MYO1D: variants seen among roughly 807,000 people sequenced by gnomAD.
The protein encoded by MYO1D is myosin ID.
In MYO1D, 83 loss-of-function variants were observed where a neutral mutation model predicts 122.0. The ratio of observed to expected loss-of-function variants is 0.68; its 90% CI spans 0.57 to 0.82. The LOEUF (loss-of-function observed/expected upper bound fraction) is 0.82. MYO1D is among the 40% of genes least tolerant of loss of function. The pLI is 0.00. For missense variants in MYO1D, 1,157 were observed against 1,269.5 expected (o/e 0.91, Z 1.35); for synonymous variants, 464 against 446.9 (o/e 1.04, Z -0.48).
chr17:32,560,585 T>TATA (rs2087115530), intron 21 of MYO1D, among the ~76,000 whole-genome samples: 1 of 108,530 alleles, frequency 9.2e-6, no homozygotes, highest in Non-Finnish European at 2.0e-5. Context: ...ATAACTTTTA[T>TATA]ACCTAAAGTT....
chr17:32,606,708 A>C (rs748350304), intron 20 of MYO1D, among the ~76,000 whole-genome samples: 12 of 152,256 alleles, frequency 7.9e-5, no homozygotes, highest in African/African-American at 1.2e-4. Flanking sequence ...AACCTGATAA[A>C]ATGACATATA....
intron 21 of MYO1D, among the ~76,000 whole-genome samples, chr17:32,559,948 A>G (rs557335820): frequency 1.1e-4 from 16 of 152,324 alleles, no homozygotes; most frequent in Admixed American, 5.9e-4. Context: ...ATCCTATAGA[A>G]ACCCTCATCC....
At chr17:32,503,467 C>T (rs375283682) in intron 21 of MYO1D, among the ~76,000 whole-genome samples, 17 of 152,206 alleles carry the variant, frequency 1.1e-4, no homozygotes, top group African/African-American at 4.1e-4. Context: ...CAGGTTCTAA[C>T]AAATGCACTT....
At position 32,719,119 on chromosome 17, in the gene MYO1D, G is replaced by T. The variant is rs188770089; in HGVS notation, c.1913+1904C>A. Among the ~76,000 whole-genome samples, 48 of 152,212 alleles carry T rather than the reference G, an allele frequency of 3.2e-4. 1 individual carries two copies. The highest frequency in any genetic ancestry group is 6.8e-3 in the Middle Eastern group (2 of 294). ...TTTACCCAATTTTATCTCAGCAAATGGTACTGTGCTTACCTAGATGCTCAA... is the reference window on the plus strand; with the variant it reads ...TTTACCCAATTTTATCTCAGCAAATTGTACTGTGCTTACCTAGATGCTCAA... On this transcript the variant is annotated intron_variant, in intron 15 of 21. Coordinates refer to ENST00000318217, the MANE Select transcript of MYO1D (RefSeq NM_015194.3).
intron 21 of MYO1D, among the ~76,000 whole-genome samples, chr17:32,586,202 C>T (rs540991327): frequency 1.3e-4 from 20 of 152,284 alleles, no homozygotes; most frequent in African/African-American, 4.8e-4. Context: ...TGTCCATGTT[C>T]TAAGCTCTAG....
chr17:32,639,116 G>A (rs566485648), intron 19 of MYO1D, among the ~76,000 whole-genome samples: 2 of 152,078 alleles, frequency 1.3e-5, no homozygotes, highest in Non-Finnish European at 2.9e-5. Flanking sequence ...CCAGAGAATG[G>A]GAGAAAAACT....
intron 21 of MYO1D, among the ~76,000 whole-genome samples, chr17:32,564,580 G>A (rs1188411300): frequency 6.6e-6 from 1 of 152,204 alleles, no homozygotes; most frequent in Non-Finnish European, 1.5e-5. Flanking sequence ...TCCTGTGCTA[G>A]GTGCTAGGGA....
At chr17:32,538,306 G>T (rs11650873) in intron 21 of MYO1D, among the ~76,000 whole-genome samples, 17,509 of 150,810 alleles carry the variant, frequency 0.12, 1,217 homozygotes, top group Middle Eastern at 0.18. Flanking sequence ...TTAGAGACAG[G>T]GTCTAGCTCT....
chr17:32,737,919 T>C (rs1349724525), intron 14 of MYO1D, among the ~76,000 whole-genome samples: 3 of 152,378 alleles, frequency 2.0e-5, no homozygotes, highest in East Asian at 1.9e-4. Flanking sequence ...TTATTTATTT[T>C]GGCCAGGTCC....
intron 7 of MYO1D, among the ~76,000 whole-genome samples, chr17:32,766,264 A>G (rs2090056072): frequency 6.6e-6 from 1 of 152,186 alleles, no homozygotes; most frequent in Admixed American, 6.5e-5. Flanking sequence ...AATAAGCAAT[A>G]CATACTTATA....
intron 1 of MYO1D, among the ~76,000 whole-genome samples, chr17:32,863,908 T>C (rs142328471): frequency 1.3e-5 from 2 of 151,482 alleles, no homozygotes; most frequent in East Asian, 3.9e-4. Flanking sequence ...AAGGTAGCCA[T>C]AGCCATGTTG....
At chr17:32,546,902 T>G (rs998134927) in intron 21 of MYO1D, among the ~76,000 whole-genome samples, 1 of 139,832 alleles carries the variant, frequency 7.2e-6, no homozygotes, top group Non-Finnish European at 1.6e-5. Context: ...GTCACAAAAA[T>G]AAGAACCTTT....
intron 15 of MYO1D, among the ~76,000 whole-genome samples, chr17:32,720,773 G>C (rs1481118734): frequency 6.6e-6 from 1 of 152,162 alleles, no homozygotes; most frequent in Non-Finnish European, 1.5e-5. Context: ...TTTCAGATCA[G>C]TGCTCTTTCT....
At chr17:32,793,947 C>T (rs1407805330) in intron 1 of MYO1D, among the ~76,000 whole-genome samples, 1 of 152,142 alleles carries the variant, frequency 6.6e-6, no homozygotes, top group Non-Finnish European at 1.5e-5. Context: ...AATACCAAGT[C>T]GTATTTTTAT....
At chr17:32,771,065 G>T in intron 6 of MYO1D, 60 bp downstream of exon 6, 2 of 1,278,488 alleles carry the variant, frequency 1.6e-6, no homozygotes, top group Non-Finnish European at 2.3e-6. Context: ...ATTATTGAAT[G>T]TCTCTTCTAA....
intron 16 of MYO1D, among the ~76,000 whole-genome samples, chr17:32,706,179 G>A (rs553481997): frequency 3.1e-4 from 47 of 152,100 alleles, no homozygotes; most frequent in Admixed American, 7.2e-4. Flanking sequence ...ACAATCTCAG[G>A]TCACTGCAAC....
At chr17:32,503,315 T>G (rs1041090665) in intron 21 of MYO1D, among the ~76,000 whole-genome samples, 1 of 152,214 alleles carries the variant, frequency 6.6e-6, no homozygotes, top group African/African-American at 2.4e-5. Context: ...CCTGGGAGGT[T>G]GCAGGCAGCC....
intron 21 of MYO1D, 97 bp from the exon 22 acceptor site, chr17:32,495,012 C>G: frequency 1.4e-6 from 2 of 1,386,286 alleles, no homozygotes; most frequent in Non-Finnish European, 1.9e-6. Flanking sequence ...TCCGGCGCAG[C>G]CTGCTTCCTC....
intron 2 of MYO1D, 90 bp from the exon 3 acceptor site, chr17:32,778,663 G>A: frequency 8.7e-7 from 1 of 1,151,824 alleles, no homozygotes; most frequent in Non-Finnish European, 1.3e-6. Flanking sequence ...ATCTGATACT[G>A]GTGATGCATT....
Sources: allele counts gnomAD v4.1 joint callset (sites outside exome capture counted in the v4.1 genomes callset), GRCh38; gene constraint gnomAD v4.1.1; transcripts MANE v1.5; gene names NCBI Gene and HGNC (gene_info 2026-07-23, HGNC 2026-07-21).